Variants in PCNX1 observed in about 807,000 individuals in gnomAD.
PCNX1 encodes pecanex-like protein 1.
A neutral mutation model predicts 242.2 loss-of-function variants in PCNX1; 78 were observed. That is an observed-to-expected ratio of 0.32 (90% CI 0.27 to 0.39). The LOEUF is 0.39. PCNX1 is among the 10% of genes least tolerant of loss of function. The pLI, the probability that PCNX1 is intolerant of heterozygous loss-of-function variation, is 1.00. For synonymous variants in PCNX1, 1,024 were observed against 1,032.9 expected, an observed-to-expected ratio of 0.99 and a Z score of 0.17; for missense variants, 2,581 against 2,856.5, an observed-to-expected ratio of 0.90 and a Z score of 2.20.
chr14:71,104,432 C>T (rs1015006981), intron 32 of PCNX1, among the ~76,000 whole-genome samples: 1 of 152,050 alleles, frequency 6.6e-6, no homozygotes, highest in Non-Finnish European at 1.5e-5. Context: ...CTGGAATTAC[C>T]GTAAAGAGAT....
At chr14:71,064,966 C>T (rs766794752) in intron 26 of PCNX1, among the ~76,000 whole-genome samples, 35 of 152,160 alleles carry the variant, frequency 2.3e-4, no homozygotes, top group Non-Finnish European at 4.1e-4. Context: ...TTTATGGATG[C>T]GTAGTATTCC....
chr14:70,969,466 T>C (rs2058476289), intron 5 of PCNX1, among the ~76,000 whole-genome samples: 1 of 152,194 alleles, frequency 6.6e-6, no homozygotes, highest in African/African-American at 2.4e-5. Context: ...TTCCATTCAG[T>C]ACGATCTCTA....
At chr14:70,934,978 C>T (rs1325130118) in intron 1 of PCNX1, among the ~76,000 whole-genome samples, 1 of 118,526 alleles carries the variant, frequency 8.4e-6, no homozygotes, top group Non-Finnish European at 1.8e-5. Flanking sequence ...TAAGTTTAAA[C>T]TAAGTCACCA....
At chr14:70,914,502 G>A (rs2526874) in intron 1 of PCNX1, among the ~76,000 whole-genome samples, 96,351 of 152,118 alleles carry the variant, frequency 0.63, 30,793 homozygotes, top group South Asian at 0.72. Context: ...ATCATTTGGT[G>A]ATTGGAAAAC....
intron 1 of PCNX1, among the ~76,000 whole-genome samples, chr14:70,935,093 GGC>G (rs2056949251): frequency 6.6e-6 from 1 of 152,116 alleles, no homozygotes; most frequent in African/African-American, 2.4e-5. Flanking sequence ...TCACTGGCAG[GGC>G]TTATGCATTT....
intron 8 of PCNX1, among the ~76,000 whole-genome samples, chr14:71,000,729 T>C (rs2059480547): frequency 6.6e-6 from 1 of 152,188 alleles, no homozygotes. Flanking sequence ...TTTTGCCATG[T>C]TGGCCAGGCT....
chr14:71,033,804 T>C lies in PCNX1; in HGVS notation c.3669-127T>C, dbSNP rs1215195067. On this transcript the variant is annotated intron_variant, in intron 17 of 35. Transcript: ENST00000304743. ...TTATGGTATCCTAAACATTTTAGAATTTCTCATTTGGTAATGATTAAATAT... is the reference window on the plus strand; with the variant it reads ...TTATGGTATCCTAAACATTTTAGAACTTCTCATTTGGTAATGATTAAATAT... The C allele has an allele frequency of 1.2e-5, 8 of 643,792 alleles. No homozygotes were observed. In the African/African-American group the frequency reaches 1.3e-4, roughly 10 times the overall value. The allele number at this position is 643,792 out of a possible 1,614,324, so 39.9% of individuals were successfully genotyped here.
At chr14:70,976,701 A>G (rs1421336374) in intron 5 of PCNX1, among the ~76,000 whole-genome samples, 1 of 151,970 alleles carries the variant, frequency 6.6e-6, no homozygotes, top group Non-Finnish European at 1.5e-5. Flanking sequence ...TTTATTGTTG[A>G]TAGTCTATAC....
intron 15 of PCNX1, 80 bp from the exon 16 acceptor site, chr14:71,028,620 T>A: frequency 8.9e-6 from 7 of 786,954 alleles, no homozygotes; most frequent in Non-Finnish European, 1.4e-5. Context: ...TTATAATATT[T>A]TAAATGCTTT....
chr14:70,927,942 G>A (rs914841285), intron 1 of PCNX1, among the ~76,000 whole-genome samples: 3 of 152,006 alleles, frequency 2.0e-5, no homozygotes, highest in Admixed American at 2.0e-4. Context: ...CTAAATGTTA[G>A]TGAAACAGAA....
chr14:70,925,015 A>C (rs1000466888), intron 1 of PCNX1, among the ~76,000 whole-genome samples: 1 of 151,662 alleles, frequency 6.6e-6, no homozygotes, highest in African/African-American at 2.4e-5. Flanking sequence ...TTGAGACAGA[A>C]TCTCACTCTG....
chr14:70,960,061 A>C, intron 2 of PCNX1, among the ~76,000 whole-genome samples: 1 of 95,790 alleles, frequency 1.0e-5, no homozygotes, highest in Non-Finnish European at 2.3e-5. Context: ...TCCTTCGCCC[A>C]CTTTTTGATG....
At chr14:71,011,654 C>T in intron 10 of PCNX1, 105 bp downstream of exon 10, 1 of 734,264 alleles carries the variant, frequency 1.4e-6, no homozygotes, top group South Asian at 1.8e-5. Context: ...TGAAGTTACA[C>T]AAAAATTTTT....
chr14:71,059,399 A>G (rs1457526948), intron 26 of PCNX1, among the ~76,000 whole-genome samples: 2 of 150,924 alleles, frequency 1.3e-5, no homozygotes, highest in Non-Finnish European at 2.9e-5. Context: ...TTTTTTTTTT[A>G]AGAGACAGGG....
intron 19 of PCNX1, among the ~76,000 whole-genome samples, chr14:71,041,059 T>G (rs2060689223): frequency 6.6e-6 from 1 of 152,198 alleles, no homozygotes; most frequent in African/African-American, 2.4e-5. Context: ...ACATTTTCTT[T>G]ATCCGTTCAT....
chr14:71,031,948 A>G (rs916214489), intron 16 of PCNX1: 1 of 1,387,518 alleles, frequency 7.2e-7, no homozygotes, highest in Non-Finnish European at 1.0e-6. Flanking sequence ...CCCAAAGGCA[A>G]ACTTCATGGC....
intron 20 of PCNX1, among the ~76,000 whole-genome samples, chr14:71,045,493 C>T (rs988411440): frequency 6.6e-6 from 1 of 152,072 alleles, no homozygotes; most frequent in African/African-American, 2.4e-5. Flanking sequence ...GCCAGTTTTC[C>T]ACAGAAGAAA....
chr14:71,101,559 A>G (rs941572091), intron 30 of PCNX1, among the ~76,000 whole-genome samples: 7 of 152,148 alleles, frequency 4.6e-5, no homozygotes, highest in Non-Finnish European at 1.0e-4. Context: ...ATTAGAACCC[A>G]TTTTAGAGAT....
chr14:71,014,120 G>A (rs946073439), intron 11 of PCNX1, among the ~76,000 whole-genome samples: 1 of 152,182 alleles, frequency 6.6e-6, no homozygotes, highest in Non-Finnish European at 1.5e-5. Context: ...CTACCAGCCA[G>A]ATTGGAGACA....
Sources: gnomAD v4.1 joint callset for allele counts (sites outside exome capture counted in the v4.1 genomes callset) on GRCh38, gnomAD v4.1.1 for gene constraint, MANE v1.5 for transcripts, NCBI Gene and HGNC (gene_info 2026-07-23, HGNC 2026-07-21) for gene names.